The following TBCCD1 variants were observed in gnomAD, a reference collection of about 807,000 sequenced individuals.
TBCCD1 encodes the protein TBCC domain containing 1, also known as TBCC domain-containing protein 1.
In TBCCD1, 26 loss-of-function variants were observed where a neutral mutation model predicts 53.4. The observed-to-expected ratio is 0.49, with a 90% CI of 0.36 to 0.68. The LOEUF (loss-of-function observed/expected upper bound fraction) is 0.68, where lower values mean the gene tolerates loss of function less well. Ranked by LOEUF, TBCCD1 falls within the 30% of genes least tolerant of loss-of-function variation. The pLI is 0.00. For missense variants in TBCCD1, 558 were observed against 669.5 expected (o/e 0.83, Z 1.84); for synonymous variants, 245 against 241.7 (o/e 1.01, Z -0.13).
intron 6 of TBCCD1, among the ~76,000 whole-genome samples, chr3:186,552,068 T>G (rs1014682023): frequency 6.6e-6 from 1 of 151,878 alleles, no homozygotes; most frequent in African/African-American, 2.4e-5. Flanking sequence ...TAGAGCAGGG[T>G]GAAGGAATAG....
chr3:186,559,760 T>C (rs1009846694), intron 2 of TBCCD1, among the ~76,000 whole-genome samples: 22 of 152,224 alleles, frequency 1.4e-4, no homozygotes, highest in Non-Finnish European at 3.2e-4. Flanking sequence ...TGAGATATAG[T>C]TGTGAGAATT....
intron 4 of TBCCD1, among the ~76,000 whole-genome samples, chr3:186,555,383 C>T (rs943993923): frequency 9.9e-5 from 15 of 152,058 alleles, no homozygotes; most frequent in African/African-American, 3.4e-4. Flanking sequence ...AGGTCTATGC[C>T]TAAGGTCATA....
intron 3 of TBCCD1, 102 bp from the exon 4 acceptor site, chr3:186,556,877 C>G (rs1714559582): frequency 2.9e-6 from 4 of 1,377,704 alleles, no homozygotes; most frequent in Non-Finnish European, 2.9e-6. Flanking sequence ...CCTCATCCCC[C>G]AAAAGGAATT....
intron 7 of TBCCD1, among the ~76,000 whole-genome samples, chr3:186,549,954 C>T (rs1032680241): frequency 2.0e-5 from 3 of 152,056 alleles, no homozygotes; most frequent in Non-Finnish European, 2.9e-5. Context: ...AGGCCAGTTC[C>T]GGTGGCTCAC....
chr3:186,563,480 G>A (rs1326337659), intron 2 of TBCCD1, among the ~76,000 whole-genome samples: 3 of 152,130 alleles, frequency 2.0e-5, no homozygotes, highest in Non-Finnish European at 2.9e-5. Context: ...TGTAGCAGAT[G>A]TTCATTTTAA....
At chr3:186,548,803 T>C (rs2108452240) in intron 7 of TBCCD1, among the ~76,000 whole-genome samples, 2 of 152,298 alleles carry the variant, frequency 1.3e-5, no homozygotes, top group East Asian at 3.9e-4. Context: ...TGGTGACTGT[T>C]GTTAATAACA....
chr3:186,550,149 C>T (rs1714327602), intron 7 of TBCCD1, among the ~76,000 whole-genome samples: 1 of 150,764 alleles, frequency 6.6e-6, no homozygotes, highest in Non-Finnish European at 1.5e-5. Flanking sequence ...ATTGCTTGAA[C>T]CGGGGGAGCG....
intron 2 of TBCCD1, 42 bp downstream of exon 2, chr3:186,563,952 C>G: frequency 6.7e-7 from 1 of 1,501,822 alleles, no homozygotes. Context: ...AGAATGGTTT[C>G]TTTCCAAAAG....
chr3:186,562,726 A>C (rs1367768593), intron 2 of TBCCD1, among the ~76,000 whole-genome samples: 1 of 146,454 alleles, frequency 6.8e-6, no homozygotes, highest in Non-Finnish European at 1.5e-5. Context: ...AGCATAAAAG[A>C]GGAGGGGGAA....
intron 3 of TBCCD1, among the ~76,000 whole-genome samples, chr3:186,557,037 A>G (rs1054609794): frequency 1.3e-5 from 2 of 152,176 alleles, no homozygotes; most frequent in African/African-American, 4.8e-5. Context: ...TCACCAATGC[A>G]TAATTTCTTC....
intron 2 of TBCCD1, among the ~76,000 whole-genome samples, chr3:186,560,215 A>T (rs1212355717): frequency 6.6e-6 from 1 of 152,170 alleles, no homozygotes; most frequent in Non-Finnish European, 1.5e-5. Context: ...GCACTCAAAA[A>T]ATCTGGAACT....
At chr3:186,568,235 C>T (rs1329516819), upstream of TBCCD1, among the ~76,000 whole-genome samples, 1 of 152,150 alleles carries the variant, frequency 6.6e-6, no homozygotes, top group Non-Finnish European at 1.5e-5. Flanking sequence ...CAGTGGTACG[C>T]ACTAGAATGA....
At chr3:186,551,906 G>A (rs1714392220) in intron 6 of TBCCD1, among the ~76,000 whole-genome samples, 1 of 152,188 alleles carries the variant, frequency 6.6e-6, no homozygotes, top group Non-Finnish European at 1.5e-5. Flanking sequence ...GAACCCAGGA[G>A]GTGGAGGCTG....
Position 186,551,199 on chromosome 3 carries a change from A to G in TBCCD1, c.1625T>C (p.Leu542Pro), listed in dbSNP as rs147306655. ...TGCTGCAGGGGGTACAAGGCTGTCC[A>G]GCTGTTGGCGATGTCCTGTATTAAT... is the stretch of plus-strand genomic sequence containing the variant. ...WLINTGHRQQ[L>P]DSLVPPAAGS... Residue 542 changes from leucine (L) to proline (P), a missense_variant, in exon 7 of 8, where the codon CTG becomes CCG. Leu to Pro is a moderately conservative substitution (Grantham distance 98, BLOSUM62 -3). Transcript: ENST00000338733. 5.0e-6 allele frequency: 8 copies of G among 1,612,692 alleles called. No individual in the cohort carries two copies. The African/African-American group carries it at 9.4e-5, about 19-fold the overall frequency.
chr3:186,565,939 A>T (rs1279990223), intron 1 of TBCCD1, among the ~76,000 whole-genome samples: 2 of 152,222 alleles, frequency 1.3e-5, no homozygotes, highest in African/African-American at 4.8e-5. Flanking sequence ...TCATTTTTTT[A>T]AAAATATAAA....
chr3:186,569,860 C>T (rs12330139), upstream of TBCCD1, among the ~76,000 whole-genome samples: 41,210 of 151,868 alleles, frequency 0.27, 7,123 homozygotes, highest in African/African-American at 0.49. Flanking sequence ...ACACCTAGAG[C>T]TTTGTCCTGA....
At chr3:186,549,157 C>T (rs553568610) in intron 7 of TBCCD1, among the ~76,000 whole-genome samples, 4 of 151,862 alleles carry the variant, frequency 2.6e-5, no homozygotes, top group African/African-American at 4.8e-5. Context: ...GTGCGGTGGC[C>T]GGTTCCTGTA....
rs1156992949 is a variant in TBCCD1, at chr3:186,555,082, C to T, written c.862G>A (p.Glu288Lys). The T allele has an allele frequency of 6.3e-7, 1 of 1,591,088 alleles. No individual in the cohort carries two copies. Among genetic ancestry groups the T allele is most frequent in the Non-Finnish European group, 8.5e-7 (1 of 1,170,358 alleles). The change falls in exon 5 of 8, where the codon GAA (glutamate) becomes AAA (lysine). Residue 288 changes from glutamate (E) to lysine (K), a missense_variant and splice_region_variant. Physicochemically the swap from Glu to Lys is moderately conservative, Grantham distance 56. Coordinates refer to ENST00000338733, the MANE Select transcript of TBCCD1 (RefSeq NM_018138.5). Reference sequence around the variant, plus strand: ...ATCTTAGCTCTTTTGGTGGTCCCTTCAACTATTTAAGAAAACATATAAATA... The same window carrying T: ...ATCTTAGCTCTTTTGGTGGTCCCTTTAACTATTTAAGAAAACATATAAATA... ...GKKLAWAHQV[E>K]GTTKRAKIAC...
At chr3:186,560,685 T>C (rs1324387128) in intron 2 of TBCCD1, among the ~76,000 whole-genome samples, 1 of 152,230 alleles carries the variant, frequency 6.6e-6, no homozygotes, top group Non-Finnish European at 1.5e-5. Context: ...GCCATGGGAT[T>C]TTCCTTATCT....
Sources: gnomAD v4.1 joint callset for allele counts (sites outside exome capture counted in the v4.1 genomes callset) on GRCh38, gnomAD v4.1.1 for gene constraint, MANE v1.5 for transcripts, NCBI Gene and HGNC (gene_info 2026-07-23, HGNC 2026-07-21) for gene names.